STXBP5: variants seen among roughly 807,000 people sequenced by gnomAD.
STXBP5 encodes syntaxin binding protein 5.
In STXBP5, 50 loss-of-function variants were observed where a neutral mutation model predicts 152.4. The ratio of observed to expected loss-of-function variants is 0.33; its 90% confidence interval spans 0.26 to 0.42. STXBP5 has a LOEUF of 0.42. Among genes scored for constraint, STXBP5 ranks in the 10% least tolerant of loss-of-function variants. The probability of loss-of-function intolerance (pLI) is 1.00; values close to 1 mark genes in which losing one functional copy is unlikely to be tolerated. For missense variants in STXBP5, 1,167 were observed against 1,388.6 expected, an observed-to-expected ratio of 0.84 and a Z score of 2.54; for synonymous variants, 492 against 494.7, an observed-to-expected ratio of 0.99 and a Z score of 0.07.
intron 26 of STXBP5, among the ~76,000 whole-genome samples, chr6:147,375,605 AAAG>A (rs1335557098): frequency 5.6e-4 from 84 of 151,304 alleles, no homozygotes; most frequent in African/African-American, 1.9e-3. Flanking sequence ...GAAGGACTGC[AAAG>A]AAGAATACTT....
intron 2 of STXBP5, among the ~76,000 whole-genome samples, chr6:147,234,476 T>C (rs1254439500): frequency 6.6e-6 from 1 of 151,970 alleles, no homozygotes; most frequent in Admixed American, 6.6e-5. Flanking sequence ...CTTCTAGTTA[T>C]GTGACTTGGG....
At chr6:147,349,179 T>C (rs1784479881) in intron 21 of STXBP5, among the ~76,000 whole-genome samples, 1 of 152,128 alleles carries the variant, frequency 6.6e-6, no homozygotes, top group Non-Finnish European at 1.5e-5. Flanking sequence ...ATACAAGCTT[T>C]AAAATATTTT....
At chr6:147,374,239 A>G (rs1378539783) in intron 26 of STXBP5, among the ~76,000 whole-genome samples, 3 of 152,226 alleles carry the variant, frequency 2.0e-5, no homozygotes, top group South Asian at 4.1e-4. Flanking sequence ...AACCTTCATC[A>G]TAAGATAAAC....
At chr6:147,238,863 G>C (rs1209994298) in intron 3 of STXBP5, among the ~76,000 whole-genome samples, 1 of 152,086 alleles carries the variant, frequency 6.6e-6, no homozygotes, top group Non-Finnish European at 1.5e-5. Flanking sequence ...CTTACAGTCT[G>C]ACCTCTAATT....
At chr6:147,260,549 T>G in intron 4 of STXBP5, 66 bp from the exon 5 acceptor site, 5 of 1,582,736 alleles carry the variant, frequency 3.2e-6, no homozygotes, top group South Asian at 2.2e-5. Flanking sequence ...TAATCAACCC[T>G]CTAATGCAAT....
intron 26 of STXBP5, among the ~76,000 whole-genome samples, chr6:147,379,582 TA>T (rs1174407385): frequency 2.6e-5 from 4 of 152,156 alleles, no homozygotes; most frequent in Non-Finnish European, 4.4e-5. Flanking sequence ...TTCTAAATTT[TA>T]TATGCATATT....
intron 2 of STXBP5, among the ~76,000 whole-genome samples, chr6:147,230,090 AT>A (rs935185218): frequency 6.6e-6 from 1 of 151,492 alleles, no homozygotes; most frequent in Non-Finnish European, 1.5e-5. Context: ...TTTTTGTCAG[AT>A]TTTTTTCTAC....
intron 6 of STXBP5, among the ~76,000 whole-genome samples, chr6:147,264,601 G>A (rs1269195297): frequency 6.6e-6 from 1 of 152,044 alleles, no homozygotes; most frequent in Non-Finnish European, 1.5e-5. Context: ...GTAGAGAAAT[G>A]TATTCATATT....
intron 7 of STXBP5, among the ~76,000 whole-genome samples, chr6:147,269,645 T>C (rs963405564): frequency 2.6e-5 from 4 of 152,070 alleles, no homozygotes; most frequent in African/African-American, 4.8e-5. Flanking sequence ...AGTATGAACA[T>C]GTTGAAAAAA....
rs192792450 is a variant in STXBP5, at chr6:147,310,709, A to G, written c.1072+471A>G. ...GATTGAAATTTCAGACATGGTTTCTATGTTGCAATCTTGAGGCACAATTGC... is the reference window on the plus strand; with the variant it reads ...GATTGAAATTTCAGACATGGTTTCTGTGTTGCAATCTTGAGGCACAATTGC... On this transcript the variant is annotated intron_variant, in intron 10 of 27. Coordinates refer to ENST00000321680, the MANE Select transcript of STXBP5 (RefSeq NM_001127715.4). Among the ~76,000 whole-genome samples the G allele has an allele frequency of 3.0e-4, 46 of 152,202 alleles. 1 individual carries two copies. Among genetic ancestry groups the G allele is most frequent in the African/African-American group, 6.5e-4 (27 of 41,528 alleles).
chr6:147,229,436 A>T (rs149437032), intron 2 of STXBP5, among the ~76,000 whole-genome samples: 1 of 151,792 alleles, frequency 6.6e-6, no homozygotes, highest in South Asian at 2.1e-4. Flanking sequence ...TGGGATTCTG[A>T]TAGAGATTGT....
At chr6:147,357,820 C>T (rs975940435) in intron 22 of STXBP5, among the ~76,000 whole-genome samples, 3 of 152,004 alleles carry the variant, frequency 2.0e-5, no homozygotes, top group Non-Finnish European at 4.4e-5. Context: ...ATAAATAGTG[C>T]CATTCGAAGA....
At chr6:147,317,988 C>T (rs1464046075) in intron 16 of STXBP5, among the ~76,000 whole-genome samples, 2 of 152,148 alleles carry the variant, frequency 1.3e-5, no homozygotes, top group Non-Finnish European at 2.9e-5. Context: ...GTGTTTTCAA[C>T]TACTGAAGTG....
chr6:147,292,827 T>C (rs895742175), intron 9 of STXBP5: 1 of 152,148 alleles, frequency 6.6e-6, no homozygotes, highest in African/African-American at 2.4e-5. Flanking sequence ...TCCTAAATAA[T>C]GTTAATATTT....
intron 9 of STXBP5, among the ~76,000 whole-genome samples, chr6:147,307,810 G>T (rs1782168659): frequency 6.6e-6 from 1 of 152,140 alleles, no homozygotes; most frequent in Non-Finnish European, 1.5e-5. Flanking sequence ...TATAAGTTTA[G>T]AAAATAAGTA....
intron 19 of STXBP5, 100 bp downstream of exon 19, chr6:147,334,322 T>C: frequency 1.9e-6 from 2 of 1,059,870 alleles, no homozygotes; most frequent in East Asian, 5.4e-5. Context: ...AAAATACATC[T>C]ACGAAAACTT....
intron 25 of STXBP5, among the ~76,000 whole-genome samples, chr6:147,369,310 C>T (rs887546273): frequency 6.6e-6 from 1 of 151,840 alleles, no homozygotes; most frequent in African/African-American, 2.4e-5. Context: ...CACCATATAC[C>T]AAAATTTATT....
intron 3 of STXBP5, 64 bp downstream of exon 3, chr6:147,235,395 A>T: frequency 7.9e-7 from 1 of 1,258,598 alleles, no homozygotes; most frequent in Non-Finnish European, 1.1e-6. Flanking sequence ...AGTCTTTCAG[A>T]TTTCTTACAT....
intron 2 of STXBP5, among the ~76,000 whole-genome samples, chr6:147,232,133 C>G (rs1778035970): frequency 1.3e-5 from 2 of 151,792 alleles, no homozygotes; most frequent in Non-Finnish European, 3.0e-5. Context: ...GAGTTAAGAC[C>G]TGTAGTAATT....
Sources: gnomAD v4.1 joint callset for allele counts (sites outside exome capture counted in the v4.1 genomes callset) on GRCh38, gnomAD v4.1.1 for gene constraint, MANE v1.5 for transcripts, NCBI Gene and HGNC (gene_info 2026-07-23, HGNC 2026-07-21) for gene names.